RPS6KA2: variants seen among roughly 807,000 people sequenced by gnomAD.
The protein encoded by RPS6KA2 is ribosomal protein S6 kinase A2.
Under a neutral mutation model 91.8 loss-of-function variants are expected in RPS6KA2, and 42 were observed. That is an observed-to-expected ratio of 0.46 (90% CI 0.36 to 0.59). The LOEUF is 0.59. RPS6KA2 is among the 20% of genes least tolerant of loss of function. RPS6KA2 has a pLI of 0.00. For missense variants in RPS6KA2, 798 were observed against 978.5 expected, an observed-to-expected ratio of 0.82 and a Z score of 2.46; for synonymous variants, 414 against 393.6, an observed-to-expected ratio of 1.05 and a Z score of -0.61.
chr6:166,512,611 C>T (rs1782508651), intron 3 of RPS6KA2, among the ~76,000 whole-genome samples: 1 of 152,182 alleles, frequency 6.6e-6, no homozygotes, highest in South Asian at 2.1e-4. Flanking sequence ...TTTTGCTTTC[C>T]CGTTTGGTCT....
At chr6:166,746,948 T>C (rs975395162) in intron 2 of RPS6KA2, among the ~76,000 whole-genome samples, 5 of 152,242 alleles carry the variant, frequency 3.3e-5, no homozygotes, top group Admixed American at 1.3e-4. Flanking sequence ...CAAATGGAGA[T>C]GGACATGGGG....
Position 166,558,466 on chromosome 6 carries a change from C to T in RPS6KA2, c.100-19682G>A, listed in dbSNP as rs187740908. ...ATCCACAAACACCCTCACAGACATA[C>T]CCAGAATAAGGGTTAACTAAATATC... is the stretch of plus-strand genomic sequence containing the variant. On this transcript the variant is annotated intron_variant, in intron 1 of 20. Transcript: ENST00000265678. Among the ~76,000 whole-genome samples, 297 of 152,272 alleles carry T rather than the reference C, an allele frequency of 2.0e-3. 1 individual carries two copies. The highest frequency in any genetic ancestry group is 2.9e-3 in the South Asian group (14 of 4,822).
At chr6:166,721,229 G>A (rs112575570) in intron 2 of RPS6KA2, among the ~76,000 whole-genome samples, 3,570 of 152,336 alleles carry the variant, frequency 0.023, 142 homozygotes, top group African/African-American at 0.082. Context: ...AAAGGCGGGG[G>A]ACATCGGGGG....
chr6:166,414,157 T>C (rs1178844312), intron 19 of RPS6KA2, among the ~76,000 whole-genome samples: 2 of 152,246 alleles, frequency 1.3e-5, no homozygotes, highest in Non-Finnish European at 2.9e-5. Flanking sequence ...GTTTATCTTT[T>C]ATTAAATATT....
At chr6:166,471,337 A>C (rs188447844) in intron 10 of RPS6KA2, among the ~76,000 whole-genome samples, 116 of 152,032 alleles carry the variant, frequency 7.6e-4, no homozygotes, top group African/African-American at 2.7e-3. Context: ...CCACCCCTCC[A>C]TTCCGCACTC....
chr6:166,785,350 C>T (rs529225314), intron 2 of RPS6KA2, among the ~76,000 whole-genome samples: 60 of 152,316 alleles, frequency 3.9e-4, no homozygotes, highest in Non-Finnish European at 7.5e-4. Flanking sequence ...CTCCCTAGGT[C>T]GCTGGCTCCA....
chr6:166,439,949 G>C (rs1031972284), intron 14 of RPS6KA2: 1 of 152,250 alleles, frequency 6.6e-6, no homozygotes, highest in Non-Finnish European at 1.5e-5. Context: ...CTGGCTGCAG[G>C]TGTGGGTCAG....
chr6:166,818,603 C>T (rs1417982433), intron 2 of RPS6KA2, among the ~76,000 whole-genome samples: 1 of 152,136 alleles, frequency 6.6e-6, no homozygotes, highest in East Asian at 1.9e-4. Flanking sequence ...GTCACCCCTT[C>T]CCCAGTTTTG....
rs79712193 is a variant in RPS6KA2 at position 166,569,008 on chromosome 6, G to A, written c.100-30224C>T. 8.8e-4 allele frequency among the ~76,000 whole-genome samples: 134 copies of A among 152,152 alleles called. 1 individual carries two copies. The East Asian group carries it at 0.017, about 19-fold the overall frequency. On this transcript the variant is annotated intron_variant, in intron 1 of 20. Coordinates refer to ENST00000265678, the MANE Select transcript of RPS6KA2 (RefSeq NM_021135.6). The stretch of plus-strand genomic sequence containing the variant: ...TAGTTGAAAGTGTATTAAAAATTAA[G>A]CTTACATTAATAAACGTATACAAAA...
At chr6:166,734,342 C>T (rs1375100058) in intron 2 of RPS6KA2, among the ~76,000 whole-genome samples, 1 of 152,180 alleles carries the variant, frequency 6.6e-6, no homozygotes, top group Non-Finnish European at 1.5e-5. Context: ...TTTATACTGA[C>T]ATGAATTCTC....
intron 1 of RPS6KA2, among the ~76,000 whole-genome samples, chr6:166,545,968 C>T (rs938999450): frequency 2.0e-5 from 3 of 152,138 alleles, no homozygotes; most frequent in South Asian, 2.1e-4. Flanking sequence ...GCCATTCTGT[C>T]GGTGTGCTCA....
At chr6:166,449,176 G>A (rs978445242) in intron 13 of RPS6KA2, among the ~76,000 whole-genome samples, 2 of 152,168 alleles carry the variant, frequency 1.3e-5, no homozygotes, top group African/African-American at 4.8e-5. Flanking sequence ...GCAGCTGCTG[G>A]GTGCGTGGCT....
intron 2 of RPS6KA2, among the ~76,000 whole-genome samples, chr6:166,787,199 TTATCA>T (rs1306199573): frequency 1.3e-5 from 2 of 152,216 alleles, no homozygotes; most frequent in Non-Finnish European, 2.9e-5. Context: ...ATGTGGATGT[TTATCA>T]TAGTGTTTTT....
At chr6:166,714,837 G>A (rs533393165) in intron 2 of RPS6KA2, among the ~76,000 whole-genome samples, 28 of 152,314 alleles carry the variant, frequency 1.8e-4, no homozygotes, top group Admixed American at 1.0e-3. Context: ...ACAGCCCCAG[G>A]ACACCAATAC....
intron 1 of RPS6KA2, among the ~76,000 whole-genome samples, chr6:166,613,692 G>A (rs984771804): frequency 1.3e-5 from 2 of 152,148 alleles, no homozygotes; most frequent in Admixed American, 6.5e-5. Flanking sequence ...ATCACCCAAA[G>A]GATCCTTTTA....
intron 3 of RPS6KA2, among the ~76,000 whole-genome samples, chr6:166,524,385 C>T (rs1056320090): frequency 1.3e-5 from 2 of 152,206 alleles, no homozygotes; most frequent in South Asian, 2.1e-4. Context: ...GAGCGCCTAC[C>T]GAGACGAAGG....
chr6:166,811,845 C>T (rs1779646496), intron 2 of RPS6KA2, among the ~76,000 whole-genome samples: 1 of 152,176 alleles, frequency 6.6e-6, no homozygotes, highest in African/African-American at 2.4e-5. Context: ...TAACAGCTCT[C>T]AAAAATTAAA....
intron 2 of RPS6KA2, among the ~76,000 whole-genome samples, chr6:166,709,401 G>T (rs1447898438): frequency 6.6e-6 from 1 of 152,206 alleles, no homozygotes; most frequent in African/African-American, 2.4e-5. Context: ...GCCGAGGCAG[G>T]AGGATTGCTG....
chr6:166,534,517 G>A (rs1002977886), intron 2 of RPS6KA2, among the ~76,000 whole-genome samples: 21 of 152,288 alleles, frequency 1.4e-4, no homozygotes, highest in East Asian at 3.9e-4. Context: ...AAGTACGACC[G>A]TATAAACTCA....
Sources: allele counts gnomAD v4.1 joint callset (sites outside exome capture counted in the v4.1 genomes callset), GRCh38; gene constraint gnomAD v4.1.1; transcripts MANE v1.5; gene names NCBI Gene and HGNC (gene_info 2026-07-23, HGNC 2026-07-21).